Variants in ANXA10 observed in about 807,000 individuals in gnomAD.
ANXA10 encodes annexin A10.
A neutral mutation model predicts 53.5 loss-of-function variants in ANXA10; 49 were observed. The ratio of observed to expected loss-of-function variants is 0.92; its 90% CI spans 0.73 to 1.16. The LOEUF (loss-of-function observed/expected upper bound fraction) is 1.16, where lower values mean the gene tolerates loss of function less well. Ranked by LOEUF, ANXA10 falls within the 50% of genes most tolerant of loss-of-function variation. The pLI is 0.00. For missense variants in ANXA10, 393 were observed against 394.4 expected (o/e 1.00, Z 0.03); for synonymous variants, 131 against 128.9 (o/e 1.02, Z -0.11).
intron 3 of ANXA10, among the ~76,000 whole-genome samples, chr4:168,149,484 C>G (rs1370685099): frequency 1.3e-5 from 2 of 152,068 alleles, no homozygotes; most frequent in East Asian, 1.9e-4. Flanking sequence ...AGTATTCCCT[C>G]AGATTGTTAT....
chr4:168,155,991 TAC>T (rs1380007309), intron 3 of ANXA10, among the ~76,000 whole-genome samples: 1 of 7,212 alleles, frequency 1.4e-4, no homozygotes, highest in Admixed American at 3.1e-3. Context: ...TCATATATTA[TAC>T]ATAATTTATA....
intron 6 of ANXA10, among the ~76,000 whole-genome samples, chr4:168,172,704 T>C (rs1732036232): frequency 1.3e-5 from 2 of 151,624 alleles, no homozygotes; most frequent in Admixed American, 6.6e-5. Context: ...TTATATAAAA[T>C]ATTAGAAGGT....
chr4:168,170,668 A>C (rs1731966533), intron 6 of ANXA10, among the ~76,000 whole-genome samples: 1 of 152,168 alleles, frequency 6.6e-6, no homozygotes, highest in Admixed American at 6.5e-5. Context: ...TTTTCCTTTC[A>C]ACATAGAATA....
chr4:168,101,372 A>T (rs1730636710), intron 1 of ANXA10, among the ~76,000 whole-genome samples: 1 of 151,698 alleles, frequency 6.6e-6, no homozygotes, highest in African/African-American at 2.4e-5. Flanking sequence ...AGCCTCAGAT[A>T]TTTCTTTATA....
intron 3 of ANXA10, among the ~76,000 whole-genome samples, chr4:168,155,404 TTATATTATAC>T (rs1462371221): frequency 6.0e-4 from 55 of 92,328 alleles, no homozygotes; most frequent in East Asian, 9.8e-4. Flanking sequence ...ATATTATATA[TTATATTATAC>T]ATTATATTAT....
intron 3 of ANXA10, among the ~76,000 whole-genome samples, chr4:168,153,753 T>C (rs1219182652): frequency 6.6e-6 from 1 of 152,188 alleles, no homozygotes; most frequent in Non-Finnish European, 1.5e-5. Context: ...AGGCAGATGC[T>C]GTGATTATTT....
Position 168,106,256 on chromosome 4 carries a change from A to G in ANXA10, c.18+13538A>G, listed in dbSNP as rs1340300042. 2.0e-5 allele frequency among the ~76,000 whole-genome samples: 3 copies of G among 152,136 alleles called. No individual in the cohort carries two copies. The East Asian group carries it at 5.8e-4, about 29-fold the overall frequency. On this transcript the variant is annotated intron_variant, in intron 1 of 11. Coordinates refer to ENST00000359299, the MANE Select transcript of ANXA10 (RefSeq NM_007193.5). ...TTTTAGGTCAACAATAAGTATAAAC[A>G]ATTTTGGCTCAATGATATTTTAAAA...
rs577885871 is a variant in ANXA10, at chr4:168,128,004, A to G, written c.19-80A>G. ...CTCCCAAAGTGCAGAGATTACAGGT[A>G]TGAGCCACTGTGCCCGGCCACAATG... On this transcript the variant is annotated intron_variant, in intron 1 of 11. Transcript: ENST00000359299. 4.6e-5 allele frequency: 59 copies of G among 1,279,160 alleles called. No homozygotes were observed. In the East Asian group the frequency reaches 1.2e-3, roughly 25 times the overall value. The allele number at this position is 1,279,160 out of a possible 1,614,324, so 79.2% of individuals were successfully genotyped here.
intron 1 of ANXA10, among the ~76,000 whole-genome samples, chr4:168,115,239 A>G (rs1020434273): frequency 1.3e-5 from 2 of 151,978 alleles, no homozygotes; most frequent in African/African-American, 4.8e-5. Flanking sequence ...GGCTGATTCC[A>G]TCTTGATGCT....
intron 1 of ANXA10, chr4:168,127,639 A>T (rs560856092): frequency 5.3e-5 from 13 of 246,474 alleles, no homozygotes; most frequent in African/African-American, 2.4e-4. Context: ...TCTTATTTAA[A>T]TAATAGATGC....
intron 1 of ANXA10, among the ~76,000 whole-genome samples, chr4:168,125,093 A>C (rs1731047137): frequency 1.3e-5 from 2 of 152,154 alleles, no homozygotes; most frequent in South Asian, 4.1e-4. Flanking sequence ...AAAGCCATTG[A>C]AACCACTTTG....
chr4:168,183,009 G>GAAAAAAAAAAAAAA (rs747151480), intron 10 of ANXA10, among the ~76,000 whole-genome samples: 1 of 93,384 alleles, frequency 1.1e-5, no homozygotes, highest in African/African-American at 3.6e-5. Context: ...CACCGTCTCG[G>GAAAAAAAAAAAAAA]AAAAAAAAAA....
rs185147688 is a variant in ANXA10 at position 168,182,031 on chromosome 4, T to C, written c.783+290T>C. ...CAGAAACTGGTAAATTCAAATGTTTTTGTATGTTTCCAAAGACCCCCACAT... is the reference window on the plus strand; with the variant it reads ...CAGAAACTGGTAAATTCAAATGTTTCTGTATGTTTCCAAAGACCCCCACAT... On this transcript the variant is annotated intron_variant, in intron 10 of 11. Transcript: ENST00000359299. 3.7e-3 allele frequency among the ~76,000 whole-genome samples: 563 copies of C among 152,302 alleles called. 2 individuals are homozygous for C. Among genetic ancestry groups the C allele is most frequent in the African/African-American group, 0.013 (523 of 41,570 alleles).
intron 2 of ANXA10, among the ~76,000 whole-genome samples, chr4:168,132,971 C>T (rs906809122): frequency 3.8e-4 from 58 of 152,028 alleles, no homozygotes; most frequent in Non-Finnish European, 1.2e-4. Flanking sequence ...CATTTGCAGA[C>T]ATGTGCAGAG....
At chr4:168,158,213 A>G (rs992935171) in intron 3 of ANXA10, among the ~76,000 whole-genome samples, 2 of 152,190 alleles carry the variant, frequency 1.3e-5, no homozygotes, top group African/African-American at 4.8e-5. Flanking sequence ...ACATTTAAAC[A>G]TTCCACAGGC....
intron 1 of ANXA10, among the ~76,000 whole-genome samples, chr4:168,127,016 A>C (rs1731080551): frequency 6.6e-6 from 1 of 152,166 alleles, no homozygotes; most frequent in South Asian, 2.1e-4. Context: ...TAACTTAATT[A>C]ATAGGAATGT....
chr4:168,127,815 A>AC, intron 1 of ANXA10: 8 of 362,994 alleles, frequency 2.2e-5, no homozygotes, highest in Non-Finnish European at 3.8e-5. Context: ...CAATGTTGAA[A>AC]CCTTTTTTTT....
chr4:168,124,140 C>A (rs1560964587), intron 1 of ANXA10, among the ~76,000 whole-genome samples: 1 of 152,054 alleles, frequency 6.6e-6, no homozygotes, highest in Non-Finnish European at 1.5e-5. Context: ...AGTTCCGTGC[C>A]CAGGATAAAA....
At chr4:168,158,012 CAA>C (rs1230348010) in intron 3 of ANXA10, among the ~76,000 whole-genome samples, 1 of 152,120 alleles carries the variant, frequency 6.6e-6, no homozygotes, top group Non-Finnish European at 1.5e-5. Context: ...TGAGAAACTA[CAA>C]AAGAGTTTGC....
Sources: allele counts gnomAD v4.1 joint callset (sites outside exome capture counted in the v4.1 genomes callset), GRCh38; gene constraint gnomAD v4.1.1; transcripts MANE v1.5; gene names NCBI Gene and HGNC (gene_info 2026-07-23, HGNC 2026-07-21).